FAT3: variants seen among roughly 807,000 people sequenced by gnomAD.
FAT3 encodes the protein FAT atypical cadherin 3.
In FAT3, 95 loss-of-function variants were observed where a neutral mutation model predicts 310.2. The observed-to-expected ratio is 0.31, with a 90% CI of 0.26 to 0.36. The LOEUF (loss-of-function observed/expected upper bound fraction) is 0.36. Among genes scored for constraint, FAT3 ranks in the 10% least tolerant of loss-of-function variants. The probability of loss-of-function intolerance (pLI) is 1.00; values close to 1 mark genes in which losing one functional copy is unlikely to be tolerated. For missense variants in FAT3, 5,408 were observed against 5,715.6 expected (o/e 0.95, Z 1.74); for synonymous variants, 2,314 against 2,192.9 (o/e 1.06, Z -1.54).
intron 24 of FAT3, 132 bp from the exon 25 acceptor site, chr11:92,886,868 G>A: frequency 1.5e-6 from 1 of 687,534 alleles, no homozygotes; most frequent in Non-Finnish European, 2.5e-6. Context: ...TTTCTACTGT[G>A]GAGCTAAATT....
At chr11:92,681,869 C>T (rs1039814780) in intron 3 of FAT3, among the ~76,000 whole-genome samples, 8 of 152,188 alleles carry the variant, frequency 5.3e-5, no homozygotes, top group African/African-American at 1.9e-4. Flanking sequence ...GGCCCAAACT[C>T]ACTGGACAAT....
At chr11:92,336,089 G>T in intron 1 of FAT3, 3 of 517,754 alleles carry the variant, frequency 5.8e-6, no homozygotes, top group South Asian at 4.5e-5. Context: ...TGGATTCCAT[G>T]ATGGGAAGGT....
chr11:92,297,762 G>A (rs1466578191), intron 1 of FAT3, among the ~76,000 whole-genome samples: 1 of 152,084 alleles, frequency 6.6e-6, no homozygotes, highest in Non-Finnish European at 1.5e-5. Context: ...AAGGAGTGGG[G>A]GATTGCTCCT....
intron 3 of FAT3, chr11:92,559,383 C>CT (rs386374501): frequency 0.092 from 13,241 of 143,962 alleles, 818 homozygotes; most frequent in East Asian, 0.11. Context: ...ACTTATTTTC[C>CT]TTTTTTTTTT....
At chr11:92,312,884 G>C (rs1947347475) in intron 1 of FAT3, among the ~76,000 whole-genome samples, 2 of 152,096 alleles carry the variant, frequency 1.3e-5, no homozygotes, top group South Asian at 4.1e-4. Context: ...TTGAAAATTT[G>C]TTAGTTTCCC....
At chr11:92,495,018 T>C (rs1366861164) in intron 2 of FAT3, among the ~76,000 whole-genome samples, 1 of 152,064 alleles carries the variant, frequency 6.6e-6, no homozygotes, top group African/African-American at 2.4e-5. Flanking sequence ...CAGATATACA[T>C]ACTGATTTGC....
chr11:92,623,339 C>T (rs1478224794), intron 3 of FAT3, among the ~76,000 whole-genome samples: 2 of 152,174 alleles, frequency 1.3e-5, no homozygotes, highest in South Asian at 2.1e-4. Flanking sequence ...TCTCACTCTC[C>T]TCTCTTGCCT....
intron 4 of FAT3, among the ~76,000 whole-genome samples, chr11:92,730,857 A>C (rs1945156050): frequency 6.6e-6 from 1 of 152,158 alleles, no homozygotes; most frequent in African/African-American, 2.4e-5. Context: ...TAGTTTTTAA[A>C]ATTTTTTTTT....
intron 2 of FAT3, among the ~76,000 whole-genome samples, chr11:92,418,077 C>A (rs1950454440): frequency 6.6e-6 from 1 of 152,120 alleles, no homozygotes; most frequent in Non-Finnish European, 1.5e-5. Flanking sequence ...TTGTTGAAGT[C>A]CCACTTGCCT....
intron 3 of FAT3, among the ~76,000 whole-genome samples, chr11:92,608,817 G>A (rs951026204): frequency 6.6e-6 from 1 of 152,124 alleles, no homozygotes; most frequent in African/African-American, 2.4e-5. Context: ...CTGTCTGGAA[G>A]GTTGGAAGGA....
Position 92,889,873 on chromosome 11 carries a change from G to A in FAT3, c.13129G>A (p.Gly4377Arg). The change falls in exon 27 of 28, where the codon GGA becomes AGA. Residue 4377 changes from glycine (G) to arginine (R), a missense_variant. Gly to Arg is a moderately radical substitution (Grantham distance 125). Coordinates refer to ENST00000525166, the MANE Select transcript of FAT3 (RefSeq NM_001367949.2). ...TTAAACAGTGTCTGTCATGGACCAA[G>A]GACAGAACTACAACCGAGGTGACTG... Reference protein sequence around the residue: ...IENEVSVMDQGQNYNRAYHWD... With the variant: ...IENEVSVMDQRQNYNRAYHWD... 1 of 718,078 alleles carries A rather than the reference G, an allele frequency of 1.4e-6. No individual in the cohort carries two copies. The highest frequency in any genetic ancestry group is 1.5e-5 in the South Asian group (1 of 67,608). 44.5% of individuals were successfully genotyped at this position (718,078 alleles called of 1,614,324 possible).
Position 92,894,028 on chromosome 11 carries a change from T to C in FAT3, c.*2915T>C, listed in dbSNP as rs1949970800. 1 of 152,196 alleles carries C rather than the reference T, an allele frequency of 6.6e-6. No homozygotes were observed. The highest frequency in any genetic ancestry group is 1.5e-5 in the Non-Finnish European group (1 of 68,040). The allele number at this position is 152,196 out of a possible 1,614,324, so 9.4% of individuals were successfully genotyped here. A position where few individuals can be genotyped will look rare whatever the true frequency, so the allele number is the denominator to read the frequency against. ...TCTAGCCAATATTCTTTTTACATCA[T>C]ATTGTTCACCCCTACACTGCCTTGA... On this transcript the variant is annotated 3_prime_UTR_variant, in exon 28 of 28. Coordinates refer to ENST00000525166, the MANE Select transcript of FAT3 (RefSeq NM_001367949.2).
chr11:92,519,566 T>C (rs1172904042), intron 2 of FAT3, among the ~76,000 whole-genome samples: 1 of 152,060 alleles, frequency 6.6e-6, no homozygotes, highest in African/African-American at 2.4e-5. Flanking sequence ...CTTCAAACAT[T>C]ACTATTATAA....
chr11:92,451,167 T>C (rs1353732546), intron 2 of FAT3, among the ~76,000 whole-genome samples: 4 of 152,180 alleles, frequency 2.6e-5, no homozygotes, highest in Admixed American at 2.6e-4. Context: ...GGAAAGAGAA[T>C]TGCCTTACTG....
Position 92,475,050 on chromosome 11 carries a change from T to A in FAT3, c.3293-49584T>A, listed in dbSNP as rs528478757. On this transcript the variant is annotated intron_variant, in intron 2 of 27. Coordinates refer to ENST00000525166, the MANE Select transcript of FAT3 (RefSeq NM_001367949.2). ...ATTTCTCCTTTCTTCGTACCCACCT[T>A]GACACAATGGCGGTTTTGGTCTTAT... 3.3e-5 allele frequency among the ~76,000 whole-genome samples: 5 copies of A among 152,342 alleles called. No individual in the cohort carries two copies. In the South Asian group the frequency reaches 1.0e-3, roughly 32 times the overall value.
Position 92,337,396 on chromosome 11 carries a change from A to G in FAT3, c.-17-14700A>G, listed in dbSNP as rs946078204. Among the ~76,000 whole-genome samples, 7 of 152,122 alleles carry G rather than the reference A, an allele frequency of 4.6e-5. No homozygotes were observed. The East Asian group carries it at 7.7e-4, about 17-fold the overall frequency. On this transcript the variant is annotated intron_variant, in intron 1 of 27. Coordinates refer to ENST00000525166, the MANE Select transcript of FAT3 (RefSeq NM_001367949.2). The stretch of plus-strand genomic sequence containing the variant: ...AAGCCACATAAGGCTGGGAGCTAAC[A>G]TTTTTCTTTTTGATCTGGAAAACAG...
intron 3 of FAT3, among the ~76,000 whole-genome samples, chr11:92,670,105 A>C (rs1943082680): frequency 6.6e-6 from 1 of 152,142 alleles, no homozygotes; most frequent in Non-Finnish European, 1.5e-5. Flanking sequence ...AAGTGCTGTT[A>C]ATATTTTTAT....
At chr11:92,889,073 A>G (rs1205294979) in intron 25 of FAT3, 116 bp from the exon 26 acceptor site, 3 of 546,672 alleles carry the variant, frequency 5.5e-6, no homozygotes, top group African/African-American at 3.9e-5. Flanking sequence ...GGGTGTTTGC[A>G]TGCCGCACCT....
Position 92,857,353 on chromosome 11 carries a change from A to G in FAT3, c.11500+5A>G, listed in dbSNP as rs763819829. 41 of 1,613,832 alleles carry G rather than the reference A, an allele frequency of 2.5e-5. No homozygotes were observed. The highest frequency in any genetic ancestry group is 3.3e-5 in the Non-Finnish European group (39 of 1,179,882). On this transcript the variant is annotated splice_donor_5th_base_variant and intron_variant, in intron 20 of 27. Transcript: ENST00000525166. ...GGAAGCTCGGAGAGTGCTCAGGTGC[A>G]GAGTGGAGTGGAATGATGCAGATCT...
Sources: gnomAD v4.1 joint callset for allele counts (sites outside exome capture counted in the v4.1 genomes callset) on GRCh38, gnomAD v4.1.1 for gene constraint, MANE v1.5 for transcripts, NCBI Gene and HGNC (gene_info 2026-07-23, HGNC 2026-07-21) for gene names.